SERPINB8: variants seen among roughly 807,000 people sequenced by gnomAD.
SERPINB8 encodes serpin B8.
SERPINB8 carries 25 observed loss-of-function variants against 35.3 expected under a neutral mutation model. The ratio of observed to expected loss-of-function variants is 0.71; its 90% CI spans 0.52 to 0.99. SERPINB8 has a LOEUF of 0.99. Among genes scored for constraint, SERPINB8 ranks in the 50% least tolerant of loss-of-function variants. The pLI is 0.00. For missense variants in SERPINB8, 484 were observed against 446.5 expected, an observed-to-expected ratio of 1.08 and a Z score of -0.76; for synonymous variants, 186 against 160.8, an observed-to-expected ratio of 1.16 and a Z score of -1.19.
intron 1 of SERPINB8, among the ~76,000 whole-genome samples, chr18:64,003,473 C>G (rs1019946903): frequency 1.3e-5 from 2 of 151,612 alleles, no homozygotes; most frequent in African/African-American, 2.4e-5. Context: ...GTATTAGTAT[C>G]TGTGGGAGGT....
At chr18:63,975,182 T>C (rs972684898) in intron 1 of SERPINB8, among the ~76,000 whole-genome samples, 13 of 152,048 alleles carry the variant, frequency 8.5e-5, no homozygotes, top group Admixed American at 8.5e-4. Flanking sequence ...AGTCCAAAGC[T>C]CTTATGCTAA....
chr18:64,010,966 T>C (rs1031493704), intron 7 of SERPINB8, among the ~76,000 whole-genome samples: 2 of 151,674 alleles, frequency 1.3e-5, no homozygotes, highest in Non-Finnish European at 2.9e-5. Context: ...TATATGTATA[T>C]ATACACACAC....
intron 1 of SERPINB8, 136 bp from the exon 2 acceptor site, chr18:63,978,163 G>A (rs2050611734): frequency 4.9e-6 from 4 of 810,740 alleles, no homozygotes; most frequent in Non-Finnish European, 8.1e-6. Flanking sequence ...ACAGGTTTTG[G>A]GAATTAGGAG....
downstream of SERPINB8, among the ~76,000 whole-genome samples, chr18:63,991,155 A>G (rs184282889): frequency 2.3e-3 from 346 of 152,342 alleles, 3 homozygotes; most frequent in African/African-American, 7.9e-3. Flanking sequence ...CTTAAGTGAC[A>G]TAAGTTTTCC....
At chr18:63,974,260 A>G (rs996231685) in intron 1 of SERPINB8, among the ~76,000 whole-genome samples, 1 of 152,160 alleles carries the variant, frequency 6.6e-6, no homozygotes, top group Non-Finnish European at 1.5e-5. Context: ...TGTCTTCTTT[A>G]GGGTGTAAGC....
At chr18:64,017,832 T>A (rs2050957676) in intron 7 of SERPINB8, among the ~76,000 whole-genome samples, 1 of 152,234 alleles carries the variant, frequency 6.6e-6, no homozygotes. Flanking sequence ...TTTGCTCATT[T>A]ATCTACTAAT....
downstream of SERPINB8, among the ~76,000 whole-genome samples, chr18:63,989,930 G>C (rs2050813731): frequency 1.0e-5 from 1 of 99,022 alleles, no homozygotes; most frequent in Non-Finnish European, 1.8e-5. Context: ...GCGACAGAGC[G>C]AGACTCTGTC....
Position 63,987,395 on chromosome 18 carries a change from G to A in SERPINB8, c.*117G>A. On this transcript the variant is annotated 3_prime_UTR_variant, in exon 7 of 7. Coordinates refer to ENST00000397985, the MANE Select transcript of SERPINB8 (RefSeq NM_002640.4). ...ATGCCAAAATAAAGCGTGTGCACTG[G>A]ATAGTGTGTGAAAGTCTTTGCTGAA... is the stretch of plus-strand genomic sequence containing the variant. The A allele has an allele frequency of 6.7e-6, 7 of 1,052,054 alleles. No individual in the cohort carries two copies. The South Asian group carries it at 1.1e-4, about 17-fold the overall frequency. The allele number at this position is 1,052,054 out of a possible 1,614,324, so 65.2% of individuals were successfully genotyped here. A position where few individuals can be genotyped will look rare whatever the true frequency, so the allele number is the denominator to read the frequency against.
intron 1 of SERPINB8, among the ~76,000 whole-genome samples, chr18:64,002,751 C>A (rs1189088860): frequency 1.3e-5 from 2 of 152,110 alleles, no homozygotes; most frequent in Admixed American, 1.3e-4. Flanking sequence ...CCGGGTCCCC[C>A]ACGCGGCCCC....
chr18:63,997,246 A>G (rs8093642), intron 1 of SERPINB8, among the ~76,000 whole-genome samples: 2,975 of 152,336 alleles, frequency 0.02, 109 homozygotes, highest in African/African-American at 0.068. Flanking sequence ...CGGCTGTGAC[A>G]TAGTTTTATG....
At chr18:63,997,020 T>A (rs536174452) in intron 1 of SERPINB8, among the ~76,000 whole-genome samples, 1 of 152,218 alleles carries the variant, frequency 6.6e-6, no homozygotes, top group Non-Finnish European at 1.5e-5. Flanking sequence ...ACCCCATGGA[T>A]CCACATTTGC....
At position 64,004,386 on chromosome 18, in the gene SERPINB8, A is replaced by G. The variant is rs573871212; in HGVS notation, c.71-433A>G. The stretch of plus-strand genomic sequence containing the variant: ...ATATAAAATAAAAGCGGTATAGAGA[A>G]GAGGAAAAAAGCCCTAGAGAACTTG... On this transcript the variant is annotated intron_variant, in intron 1 of 1. Transcript: ENST00000493661. Among the ~76,000 whole-genome samples, 5 of 152,328 alleles carry G rather than the reference A, an allele frequency of 3.3e-5. No individual in the cohort carries two copies. In the South Asian group the frequency reaches 1.0e-3, roughly 32 times the overall value.
At chr18:63,971,540 C>T (rs892587456) in intron 1 of SERPINB8, among the ~76,000 whole-genome samples, 2 of 152,214 alleles carry the variant, frequency 1.3e-5, no homozygotes, top group African/African-American at 4.8e-5. Context: ...CTAGGCGCCT[C>T]GGGACTGGGC....
At chr18:64,008,298 A>C (rs920252036), downstream of SERPINB8, among the ~76,000 whole-genome samples, 1 of 152,166 alleles carries the variant, frequency 6.6e-6, no homozygotes, top group African/African-American at 2.4e-5. Context: ...GCTGGAGTGC[A>C]ATGGCATGAT....
At chr18:63,973,771 C>T (rs988023722) in intron 1 of SERPINB8, among the ~76,000 whole-genome samples, 6 of 152,066 alleles carry the variant, frequency 3.9e-5, no homozygotes, top group South Asian at 2.1e-4. Flanking sequence ...TGTTTTTGTC[C>T]GGTTTGTCAA....
chr18:63,974,338 A>G (rs76710154), intron 1 of SERPINB8, among the ~76,000 whole-genome samples: 1,701 of 152,314 alleles, frequency 0.011, 41 homozygotes, highest in African/African-American at 0.039. Flanking sequence ...AACATTCTAC[A>G]TAAATGCTCT....
intron 7 of SERPINB8, among the ~76,000 whole-genome samples, chr18:64,013,042 T>A (rs1448229801): frequency 6.6e-6 from 1 of 152,160 alleles, no homozygotes; most frequent in African/African-American, 2.4e-5. Context: ...AATCTCCTTT[T>A]CTCTCAGGGC....
downstream of SERPINB8, among the ~76,000 whole-genome samples, chr18:63,991,457 A>T (rs2050824642): frequency 1.3e-5 from 2 of 152,182 alleles, no homozygotes; most frequent in African/African-American, 4.8e-5. Flanking sequence ...CCTTAAGTAT[A>T]TTCTATTTTG....
At chr18:63,986,639 T>A in intron 6 of SERPINB8, 1 of 1,322,576 alleles carries the variant, frequency 7.6e-7, no homozygotes, top group Non-Finnish European at 9.6e-7. Flanking sequence ...TTATTAAAAA[T>A]TTCTGCCTGT....
Sources: gnomAD v4.1 joint callset for allele counts (sites outside exome capture counted in the v4.1 genomes callset) on GRCh38, gnomAD v4.1.1 for gene constraint, MANE v1.5 for transcripts, NCBI Gene and HGNC (gene_info 2026-07-23, HGNC 2026-07-21) for gene names.